Variants in MX1 observed in about 807,000 individuals in gnomAD.
MX1 encodes interferon-induced GTP-binding protein Mx1.
A neutral mutation model predicts 66.4 loss-of-function variants in MX1; 66 were observed. The ratio of observed to expected loss-of-function variants is 0.99; its 90% CI spans 0.82 to 1.22. The LOEUF is 1.22. Ranked by LOEUF, MX1 falls within the 50% of genes most tolerant of loss-of-function variation. The pLI is 0.00. For missense variants in MX1, 787 were observed against 834.3 expected (o/e 0.94, Z 0.70); for synonymous variants, 311 against 318.1 (o/e 0.98, Z 0.24).
At chr21:41,456,499 C>T (rs1387149619) in intron 16 of MX1, among the ~76,000 whole-genome samples, 1 of 152,102 alleles carries the variant, frequency 6.6e-6, no homozygotes, top group African/African-American at 2.4e-5. Flanking sequence ...GGCCCATCCA[C>T]ATCATTGAGA....
rs138419122 is a variant in MX1, at chr21:41,439,645, G to A, written c.437-49G>A. 399 of 1,580,174 alleles carry A rather than the reference G, an allele frequency of 2.5e-4. 1 individual carries two copies. In the African/African-American group the frequency reaches 4.5e-3, roughly 18 times the overall value. On this transcript the variant is annotated intron_variant, in intron 7 of 16. Coordinates refer to ENST00000398598, the MANE Select transcript of MX1 (RefSeq NM_002462.5). ...CAGAGTATTCACCATCATGAGATCCGTTTATCCTAAGCTCTGTTTGGGTTT... is the reference window on the plus strand; with the variant it reads ...CAGAGTATTCACCATCATGAGATCCATTTATCCTAAGCTCTGTTTGGGTTT...
rs756414244 is a variant in MX1 at position 41,452,778 on chromosome 21, A to G, written c.1667A>G (p.Lys556Arg). The change falls in exon 16 of 17, where the codon AAG (lysine) becomes AGG (arginine). Residue 556 changes from lysine to arginine, a missense_variant. Physicochemically the swap from Lys to Arg is conservative, Grantham distance 26. Transcript: ENST00000398598. ...AAGGAGCTGGAAGAAGAAAAGAAGAAGAAATCCTGGGATTTTGGGGCTTTC... is the reference window on the plus strand; with the variant it reads ...AAGGAGCTGGAAGAAGAAAAGAAGAGGAAATCCTGGGATTTTGGGGCTTTC... ...REKELEEEKKKKSWDFGAFQS... is the reference protein window; with the variant it reads ...REKELEEEKKRKSWDFGAFQS... 1 of 1,614,190 alleles carries G rather than the reference A, an allele frequency of 6.2e-7. No homozygotes were observed. Among genetic ancestry groups the G allele is most frequent in the South Asian group, 1.1e-5 (1 of 91,084 alleles).
chr21:41,430,482 C>A (rs1218668661), intron 3 of MX1, 51 bp from the exon 4 acceptor site: 1 of 151,972 alleles, frequency 6.6e-6, no homozygotes, highest in African/African-American at 2.4e-5. Flanking sequence ...TGGGTACTCT[C>A]GGGTGTTCCG....
upstream of MX1, chr21:41,421,519 A>T: frequency 6.0e-6 from 1 of 165,726 alleles, no homozygotes; most frequent in Non-Finnish European, 1.3e-5. Context: ...TGGCTTTCCT[A>T]GGCAGAGGTC....
chr21:41,443,507 A>T (rs1601511195), intron 10 of MX1: 1 of 458,318 alleles, frequency 2.2e-6, no homozygotes, highest in Non-Finnish European at 4.0e-6. Flanking sequence ...ATGTCTGTGT[A>T]TTTTTGTGAT....
chr21:41,422,928 G>T (rs1322338064), upstream of MX1: 1 of 152,184 alleles, frequency 6.6e-6, no homozygotes, highest in Non-Finnish European at 1.5e-5. Flanking sequence ...GATTGCACAC[G>T]AGTCCCTCTA....
intron 13 of MX1, among the ~76,000 whole-genome samples, chr21:41,447,714 A>C (rs1029337256): frequency 2.6e-5 from 4 of 152,014 alleles, no homozygotes; most frequent in African/African-American, 4.8e-5. Context: ...AATATACTAA[A>C]ATTCACTCAC....
rs371320791 is a variant in MX1 at position 41,439,772 on chromosome 21, C to T, written c.515C>T (p.Pro172Leu). 8 of 1,613,858 alleles carry T rather than the reference C, an allele frequency of 5.0e-6. No homozygotes were observed. Among genetic ancestry groups the T allele is most frequent in the South Asian group, 2.2e-5 (2 of 91,070 alleles). Residue 172 changes from proline to leucine, a missense_variant, in exon 8 of 17, where the codon CCG becomes CTG. Physicochemically the swap from Pro to Leu is moderately conservative, Grantham distance 98. Transcript: ENST00000398598. ...CTGGAGATCAGCTCCCGAGATGTCCCGGATCTGACTCTAATAGACCTTCCT... is the reference window on the plus strand; with the variant it reads ...CTGGAGATCAGCTCCCGAGATGTCCTGGATCTGACTCTAATAGACCTTCCT... ...ITLEISSRDVPDLTLIDLPGI... is the reference protein window; with the variant it reads ...ITLEISSRDVLDLTLIDLPGI...
chr21:41,437,100 C>A lies in MX1; in HGVS notation c.384C>A (p.Asp128Glu), dbSNP rs748539949. The A allele has an allele frequency of 3.1e-6, 5 of 1,613,942 alleles. No homozygotes were observed. In the Admixed American group the frequency reaches 8.3e-5, roughly 27 times the overall value. ...GGAGAGGCAAGGTCAGTTACCAGGA[C>A]TACGAGATTGAGATTTCGGATGCTT... ...DKWRGKVSYQ[D>E]YEIEISDASE... The change falls in exon 7 of 17, where the codon GAC becomes GAA. Residue 128 changes from aspartate (D) to glutamate (E), a missense_variant. Asp to Glu is a conservative substitution (Grantham distance 45). Transcript: ENST00000398598.
chr21:41,432,705 G>A (rs1025288606), intron 5 of MX1, among the ~76,000 whole-genome samples: 1 of 152,144 alleles, frequency 6.6e-6, no homozygotes, highest in Non-Finnish European at 1.5e-5. Flanking sequence ...TATAAGCCTG[G>A]TTTTCCATAT....
At chr21:41,436,184 C>T (rs2090355613) in intron 6 of MX1, among the ~76,000 whole-genome samples, 155 bp downstream of exon 6, 1 of 152,224 alleles carries the variant, frequency 6.6e-6, no homozygotes, top group Non-Finnish European at 1.5e-5. Flanking sequence ...TTCTCCATGG[C>T]TTGCAGATGG....
rs377043349 is a variant in MX1 at position 41,437,065 on chromosome 21, G to A, written c.349G>A (p.Glu117Lys). The A allele has an allele frequency of 1.2e-6, 2 of 1,613,872 alleles. No individual in the cohort carries two copies. Among genetic ancestry groups the A allele is most frequent in the East Asian group, 2.2e-5 (1 of 44,888 alleles). Residue 117 changes from glutamate (E) to lysine (K), a missense_variant, in exon 7 of 17, where the codon GAA becomes AAA. Coordinates refer to ENST00000398598, the MANE Select transcript of MX1 (RefSeq NM_002462.5). ...GCTGAAACTGAAGAAACTTGTGAAC[G>A]AAGATAAGTGGAGAGGCAAGGTCAG... Reference protein sequence around the residue: ...LVLKLKKLVNEDKWRGKVSYQ... With the variant: ...LVLKLKKLVNKDKWRGKVSYQ...
intron 11 of MX1, among the ~76,000 whole-genome samples, chr21:41,444,972 G>A (rs370291842): frequency 1.3e-5 from 2 of 152,266 alleles, no homozygotes; most frequent in South Asian, 2.1e-4. Flanking sequence ...GGAAGGGTGA[G>A]CCAGCATATG....
At chr21:41,450,978 G>T (rs2090807082) in intron 14 of MX1, 189 bp from the exon 15 acceptor site, 2 of 403,518 alleles carry the variant, frequency 5.0e-6, no homozygotes, top group Non-Finnish European at 8.8e-6. Context: ...GGGGTCATTT[G>T]CTTTTAAGAT....
chr21:41,437,657 T>A (rs971153562), intron 7 of MX1, among the ~76,000 whole-genome samples: 1 of 152,158 alleles, frequency 6.6e-6, no homozygotes, highest in African/African-American at 2.4e-5. Context: ...CATGTATTGC[T>A]TATTATGTAA....
chr21:41,443,442 C>T (rs364197), intron 10 of MX1: 109,568 of 221,902 alleles, frequency 0.49, 28,846 homozygotes, highest in Non-Finnish European at 0.58. Flanking sequence ...CCATTATGAT[C>T]ACCTACACAT....
intron 13 of MX1, among the ~76,000 whole-genome samples, chr21:41,447,892 T>A (rs145326391): frequency 0.077 from 11,753 of 151,988 alleles, 1,461 homozygotes; most frequent in African/African-American, 0.26. Flanking sequence ...TAGGCACCTG[T>A]CTAATTTTTG....
chr21:41,440,486 A>G (rs1283880933), intron 8 of MX1, among the ~76,000 whole-genome samples: 2 of 152,140 alleles, frequency 1.3e-5, no homozygotes, highest in African/African-American at 4.8e-5. Flanking sequence ...CTCAAAACAA[A>G]AAACAAAACA....
At chr21:41,428,145 A>G (rs978058814) in intron 3 of MX1, 1 of 152,180 alleles carries the variant, frequency 6.6e-6, no homozygotes, top group Admixed American at 6.5e-5. Flanking sequence ...GCCTCAAATG[A>G]TCCACCCGCC....
Sources: allele counts gnomAD v4.1 joint callset (sites outside exome capture counted in the v4.1 genomes callset), GRCh38; gene constraint gnomAD v4.1.1; transcripts MANE v1.5; gene names NCBI Gene and HGNC (gene_info 2026-07-23, HGNC 2026-07-21).